Variants in VGLL1 observed in about 807,000 individuals in gnomAD.
VGLL1 encodes the protein transcription cofactor vestigial-like protein 1.
A neutral mutation model predicts 12.0 loss-of-function variants in VGLL1; 4 were observed. The observed-to-expected ratio is 0.33, with a 90% CI of 0.16 to 0.76. The LOEUF (loss-of-function observed/expected upper bound fraction) is 0.76, where lower values mean the gene tolerates loss of function less well. Ranked by LOEUF, VGLL1 falls within the 30% of genes least tolerant of loss-of-function variation. The pLI is 0.60. For synonymous variants in VGLL1, 87 were observed against 81.2 expected, an observed-to-expected ratio of 1.07 and a Z score of -0.39; for missense variants, 204 against 208.7, an observed-to-expected ratio of 0.98 and a Z score of 0.14.
At chrX:136,548,510 A>T (rs1278276757) in intron 2 of VGLL1, 79 bp from the exon 3 acceptor site, 3 of 972,650 alleles carry the variant, frequency 3.1e-6, no homozygotes, top group Non-Finnish European at 4.2e-6. Context: ...AAAAAAATAG[A>T]GTATGTATTA....
In VGLL1 at chrX:136,542,949, C is replaced by G. The variant is rs1044440658; in HGVS notation, c.215-5640C>G. Among the ~76,000 whole-genome samples the G allele has an allele frequency of 8.9e-5, 10 of 111,864 alleles. No individual in the cohort carries two copies. In the East Asian group the frequency reaches 2.8e-3, roughly 31 times the overall value. On this transcript the variant is annotated intron_variant, in intron 2 of 4. Transcript: ENST00000370634. The stretch of plus-strand genomic sequence containing the variant: ...TGTCACGTGGATTATCTCACTGAAT[C>G]TTCACACCAACTCTACTGGTTAACT...
At chrX:136,542,855 C>T (rs892344376) in intron 2 of VGLL1, among the ~76,000 whole-genome samples, 4 of 111,642 alleles carry the variant, frequency 3.6e-5, no homozygotes, top group Non-Finnish European at 5.6e-5. Flanking sequence ...TAAGGACTAT[C>T]GCTAATAATG....
At chrX:136,549,116 T>C in intron 3 of VGLL1, 108 bp downstream of exon 3, 1 of 823,927 alleles carries the variant, frequency 1.2e-6, no homozygotes, top group East Asian at 3.3e-5. Flanking sequence ...ACTCTGGACA[T>C]AGGGCTGCTG....
intron 2 of VGLL1, among the ~76,000 whole-genome samples, chrX:136,542,902 T>C (rs2075860305): frequency 9.0e-6 from 1 of 111,724 alleles, no homozygotes; most frequent in Admixed American, 9.5e-5. Context: ...ACTTTCTGTG[T>C]GCCAGGCCCT....
intron 1 of VGLL1, among the ~76,000 whole-genome samples, chrX:136,534,318 A>C (rs1052226001): frequency 1.8e-5 from 2 of 112,223 alleles, no homozygotes; most frequent in African/African-American, 6.5e-5. Flanking sequence ...TCAATCTCTC[A>C]ATCTCTACCC....
intron 2 of VGLL1, among the ~76,000 whole-genome samples, chrX:136,543,805 AGAGG>A (rs2075862741): frequency 9.0e-6 from 1 of 110,888 alleles, no homozygotes; most frequent in Non-Finnish European, 1.9e-5. Flanking sequence ...AGATGCAGAA[AGAGG>A]GAGAAGAGAA....
At chrX:136,552,035 T>A (rs1188515946) in intron 4 of VGLL1, among the ~76,000 whole-genome samples, 2 of 111,778 alleles carry the variant, frequency 1.8e-5, no homozygotes, top group Non-Finnish European at 3.8e-5. Flanking sequence ...CCCACTAGAA[T>A]GTCAACCCCA....
At chrX:136,533,877 T>C (rs1345864792) in intron 1 of VGLL1, among the ~76,000 whole-genome samples, 2 of 112,306 alleles carry the variant, frequency 1.8e-5, no homozygotes, top group African/African-American at 3.2e-5. Flanking sequence ...ATCCCAGCTC[T>C]GCCACTCCCC....
intron 2 of VGLL1, 95 bp downstream of exon 2, chrX:136,536,329 T>C (rs963592990): frequency 2.2e-6 from 2 of 917,866 alleles, no homozygotes; most frequent in Non-Finnish European, 3.1e-6. Context: ...TGGACACTTA[T>C]ATGTTTGCTA....
intron 2 of VGLL1, among the ~76,000 whole-genome samples, chrX:136,541,825 A>G (rs1178695680): frequency 8.9e-6 from 1 of 112,106 alleles, no homozygotes; most frequent in Non-Finnish European, 1.9e-5. Flanking sequence ...TCTCTTCCCC[A>G]ATCAGTGTTG....
intron 2 of VGLL1, among the ~76,000 whole-genome samples, chrX:136,543,234 G>GC (rs1287494867): frequency 4.5e-5 from 5 of 111,666 alleles, no homozygotes; most frequent in Non-Finnish European, 7.5e-5. Context: ...GAACTGAGAG[G>GC]CCCCCCTGGT....
At chrX:136,536,297 T>C (rs1307557426) in intron 2 of VGLL1, 63 bp downstream of exon 2, 2 of 1,077,934 alleles carry the variant, frequency 1.9e-6, no homozygotes, top group African/African-American at 3.7e-5. Flanking sequence ...ATACACCAGT[T>C]CTTTGATGTA....
At chrX:136,540,448 G>A (rs1005533623) in intron 2 of VGLL1, among the ~76,000 whole-genome samples, 1 of 111,272 alleles carries the variant, frequency 9.0e-6, no homozygotes, top group Non-Finnish European at 1.9e-5. Context: ...TACCTGCATG[G>A]CGTCACCTTT....
At chrX:136,532,705 CTT>C (rs748455740) in intron 1 of VGLL1, among the ~76,000 whole-genome samples, 2 of 72,222 alleles carry the variant, frequency 2.8e-5, no homozygotes, top group African/African-American at 1.0e-4. Flanking sequence ...TTTGTTCTTT[CTT>C]TTTTTTTTTT....
At chrX:136,555,546 T>C (rs764749247) in intron 4 of VGLL1, among the ~76,000 whole-genome samples, 1 of 111,559 alleles carries the variant, frequency 9.0e-6, no homozygotes, top group South Asian at 3.8e-4. Flanking sequence ...GGTGAAGTCA[T>C]TGAGAAGACA....
chrX:136,548,070 G>A (rs2075874364), intron 2 of VGLL1, among the ~76,000 whole-genome samples: 1 of 110,827 alleles, frequency 9.0e-6, no homozygotes, highest in Non-Finnish European at 1.9e-5. Flanking sequence ...GAGCAATCTC[G>A]GCCTACTGCA....
intron 1 of VGLL1, among the ~76,000 whole-genome samples, chrX:136,532,649 C>A (rs1310301260): frequency 3.9e-5 from 2 of 51,625 alleles, no homozygotes; most frequent in African/African-American, 7.0e-5. Flanking sequence ...TTCTTTCTTT[C>A]TTTCTTTCTT....
At chrX:136,532,577 CTTTCTTTCT>C (rs1215464194) in intron 1 of VGLL1, among the ~76,000 whole-genome samples, 1 of 6,454 alleles carries the variant, frequency 1.5e-4, no homozygotes, top group African/African-American at 6.3e-4. Context: ...TCAAATATTT[CTTTCTTTCT>C]TTCTTTCTTT....
chrX:136,538,371 T>A (rs2075846204), intron 2 of VGLL1, among the ~76,000 whole-genome samples: 1 of 112,654 alleles, frequency 8.9e-6, no homozygotes, highest in Non-Finnish European at 1.9e-5. Context: ...ATATTCATTT[T>A]TTCTTCTGAT....
Sources: allele counts gnomAD v4.1 joint callset (sites outside exome capture counted in the v4.1 genomes callset), GRCh38; gene constraint gnomAD v4.1.1; transcripts MANE v1.5; gene names NCBI Gene and HGNC (gene_info 2026-07-23, HGNC 2026-07-21).